Variants in ADAMTS6 observed in about 807,000 individuals in gnomAD.
ADAMTS6 encodes the protein ADAM metallopeptidase with thrombospondin type 1 motif 6, also known as A disintegrin and metalloproteinase with thrombospondin motifs 6.
ADAMTS6 carries 23 observed loss-of-function variants against 144.3 expected under a neutral mutation model. The ratio of observed to expected loss-of-function variants is 0.16; its 90% CI spans 0.11 to 0.23. The LOEUF is 0.23. Among genes scored for constraint, ADAMTS6 ranks in the 10% least tolerant of loss-of-function variants. ADAMTS6 has a pLI of 1.00. For synonymous variants in ADAMTS6, 444 were observed against 457.5 expected, an observed-to-expected ratio of 0.97 and a Z score of 0.38; for missense variants, 999 against 1,379.6, an observed-to-expected ratio of 0.72 and a Z score of 4.37.
chr5:65,419,549 A>G (rs1755837665), intron 7 of ADAMTS6, among the ~76,000 whole-genome samples: 1 of 152,226 alleles, frequency 6.6e-6, no homozygotes, highest in Non-Finnish European at 1.5e-5. Flanking sequence ...TGAATCTAAA[A>G]TAAATATAGA....
At chr5:65,461,239 T>C (rs1759621075) in intron 3 of ADAMTS6, among the ~76,000 whole-genome samples, 1 of 152,238 alleles carries the variant, frequency 6.6e-6, no homozygotes. Context: ...TCAGTATCAC[T>C]TATTTTCAAT....
At chr5:65,437,871 G>T (rs747522347) in intron 7 of ADAMTS6, among the ~76,000 whole-genome samples, 3 of 152,096 alleles carry the variant, frequency 2.0e-5, no homozygotes, top group Non-Finnish European at 2.9e-5. Context: ...GGTTGAATCT[G>T]CAAACATGGA....
chr5:65,277,185 GA>G (rs1762609467), intron 11 of ADAMTS6, among the ~76,000 whole-genome samples: 2 of 152,156 alleles, frequency 1.3e-5, no homozygotes, highest in African/African-American at 4.8e-5. Flanking sequence ...CAGTTAGGAG[GA>G]ATGCCTGGCA....
chr5:65,378,135 T>C (rs192524453), intron 7 of ADAMTS6, among the ~76,000 whole-genome samples: 93 of 152,296 alleles, frequency 6.1e-4, no homozygotes, highest in Admixed American at 3.9e-3. Context: ...TTCTGAGGGA[T>C]TGGGAGTTAG....
chr5:65,424,201 A>T (rs1756312825), intron 7 of ADAMTS6, among the ~76,000 whole-genome samples: 1 of 152,206 alleles, frequency 6.6e-6, no homozygotes, highest in African/African-American at 2.4e-5. Flanking sequence ...GTAATCAAGC[A>T]AGGAAAATTC....
At chr5:65,235,650 G>C (rs115022485) in intron 15 of ADAMTS6, among the ~76,000 whole-genome samples, 5,413 of 152,216 alleles carry the variant, frequency 0.036, 126 homozygotes, top group Non-Finnish European at 0.049. Context: ...GATGCTTCCT[G>C]CCCTCGAACA....
chr5:65,301,686 C>A (rs578043631), intron 9 of ADAMTS6, among the ~76,000 whole-genome samples: 1 of 146,958 alleles, frequency 6.8e-6, no homozygotes, highest in African/African-American at 2.5e-5. Flanking sequence ...TTGGTCTGAA[C>A]GAGGGTGCCG....
At chr5:65,170,898 G>T in intron 23 of ADAMTS6, 125 bp from the exon 24 acceptor site, 3 of 999,706 alleles carry the variant, frequency 3.0e-6, no homozygotes, top group Non-Finnish European at 4.2e-6. Context: ...GAGACACAGC[G>T]TCTTGCTATG....
intron 7 of ADAMTS6, among the ~76,000 whole-genome samples, chr5:65,436,249 C>A (rs1757393519): frequency 6.6e-6 from 1 of 152,010 alleles, no homozygotes. Context: ...CACACACTCA[C>A]AAAGCCAGCC....
At chr5:65,401,820 T>G (rs899525990) in intron 7 of ADAMTS6, among the ~76,000 whole-genome samples, 13 of 152,176 alleles carry the variant, frequency 8.5e-5, no homozygotes, top group African/African-American at 3.1e-4. Flanking sequence ...TAGGATAGAG[T>G]GGCAACTTCA....
chr5:65,253,152 T>A (rs2112552565), intron 14 of ADAMTS6, among the ~76,000 whole-genome samples: 1 of 152,340 alleles, frequency 6.6e-6, no homozygotes, highest in South Asian at 2.1e-4. Context: ...CCTCCCAAAG[T>A]GCTGGGATTG....
intron 12 of ADAMTS6, among the ~76,000 whole-genome samples, chr5:65,263,637 T>C (rs1006676783): frequency 6.6e-6 from 1 of 152,194 alleles, no homozygotes; most frequent in African/African-American, 2.4e-5. Context: ...AAACCACACA[T>C]ACTGCACCTA....
intron 7 of ADAMTS6, among the ~76,000 whole-genome samples, chr5:65,431,629 T>A (rs1021893374): frequency 7.9e-5 from 12 of 152,122 alleles, no homozygotes; most frequent in African/African-American, 2.4e-4. Context: ...TATATTAATT[T>A]CCCCATGCCA....
chr5:65,455,471 G>C (rs1759112403), intron 4 of ADAMTS6, among the ~76,000 whole-genome samples: 1 of 152,190 alleles, frequency 6.6e-6, no homozygotes, highest in African/African-American at 2.4e-5. Context: ...GAACCTGAGA[G>C]ACAGAGGTTG....
intron 7 of ADAMTS6, among the ~76,000 whole-genome samples, chr5:65,402,630 T>C (rs961162584): frequency 5.9e-5 from 9 of 152,094 alleles, no homozygotes; most frequent in African/African-American, 1.9e-4. Flanking sequence ...TATATTTTGA[T>C]GCACATACTC....
At chr5:65,272,280 T>G (rs1484256411) in intron 12 of ADAMTS6, among the ~76,000 whole-genome samples, 1 of 152,200 alleles carries the variant, frequency 6.6e-6, no homozygotes, top group Admixed American at 6.5e-5. Context: ...GAATTTAAAT[T>G]TACATAAATA....
At chr5:65,356,148 T>C (rs1580476213) in intron 7 of ADAMTS6, among the ~76,000 whole-genome samples, 1 of 151,860 alleles carries the variant, frequency 6.6e-6, no homozygotes, top group Non-Finnish European at 1.5e-5. Context: ...CCATTTTGAA[T>C]TTTTTCAATG....
chr5:65,329,635 A>G (rs41268427), intron 8 of ADAMTS6, 152 bp from the exon 9 acceptor site: 57,468 of 568,168 alleles, frequency 0.1, 3,372 homozygotes, highest in African/African-American at 0.15. Flanking sequence ...TTGCAAAATC[A>G]CTGGGGGGAA....
rs1274554122 is a variant in ADAMTS6, at chr5:65,176,511, A to T, written c.2911-3503T>A. Among the ~76,000 whole-genome samples, 6 of 152,350 alleles carry T rather than the reference A, an allele frequency of 3.9e-5. No individual in the cohort carries two copies. The East Asian group carries it at 1.2e-3, about 29-fold the overall frequency. The stretch of plus-strand genomic sequence containing the variant: ...GCAAGTTTTAAAACGTTAATTGTAA[A>T]GAAAATTCTGTGTGTAAACATATTG... On this transcript the variant is annotated intron_variant, in intron 22 of 24. Coordinates refer to ENST00000381055, the MANE Select transcript of ADAMTS6 (RefSeq NM_197941.4).
Sources: allele counts gnomAD v4.1 joint callset (sites outside exome capture counted in the v4.1 genomes callset), GRCh38; gene constraint gnomAD v4.1.1; transcripts MANE v1.5; gene names NCBI Gene and HGNC (gene_info 2026-07-23, HGNC 2026-07-21).